Variants in HECTD4 observed in about 807,000 individuals in gnomAD.
HECTD4 encodes the protein probable E3 ubiquitin-protein ligase HECTD4.
Under a neutral mutation model 471.5 loss-of-function variants are expected in HECTD4, and 114 were observed. The ratio of observed to expected loss-of-function variants is 0.24; its 90% CI spans 0.21 to 0.28. The LOEUF (loss-of-function observed/expected upper bound fraction) is 0.28. Ranked by LOEUF, HECTD4 falls within the 10% of genes least tolerant of loss-of-function variation. The pLI, the probability that HECTD4 is intolerant of heterozygous loss-of-function variation, is 1.00. For missense variants in HECTD4, 3,866 were observed against 5,651.5 expected, an observed-to-expected ratio of 0.68 and a Z score of 10.13; for synonymous variants, 2,012 against 2,256.0, an observed-to-expected ratio of 0.89 and a Z score of 3.07.
intron 7 of HECTD4, chr12:112,302,566 CT>C: frequency 1.4e-6 from 1 of 691,564 alleles, no homozygotes; most frequent in Non-Finnish European, 2.6e-6. Flanking sequence ...ATTCTTACGC[CT>C]TTTCTCAAAC....
intron 1 of HECTD4, among the ~76,000 whole-genome samples, chr12:112,348,318 T>C (rs1194901718): frequency 3.3e-5 from 5 of 152,234 alleles, no homozygotes; most frequent in Admixed American, 6.5e-5. Context: ...ATCAATTTTA[T>C]AGTTGAGAGA....
chr12:112,269,299 T>C (rs2135618632), intron 13 of HECTD4, among the ~76,000 whole-genome samples: 1 of 152,298 alleles, frequency 6.6e-6, no homozygotes, highest in South Asian at 2.1e-4. Flanking sequence ...ATCTTACAGC[T>C]AAGGAAATGC....
At chr12:112,301,811 TAAGGAAAATTTGTATTA>T in intron 7 of HECTD4, 1 of 562,594 alleles carries the variant, frequency 1.8e-6, no homozygotes, top group Non-Finnish European at 3.1e-6. Context: ...TTTTTTTTTT[TAAGGAAAATTTGTATTA>T]TTTTCATTAT....
intron 14 of HECTD4, 86 bp downstream of exon 14, chr12:112,266,826 G>A (rs1474744792): frequency 1.4e-6 from 1 of 737,872 alleles, no homozygotes; most frequent in African/African-American, 1.8e-5. Flanking sequence ...ACATGAAGAA[G>A]TGTAAATATT....
chr12:112,379,717 TTATATATA>T (rs56053560), intron 1 of HECTD4, among the ~76,000 whole-genome samples: 1 of 147,418 alleles, frequency 6.8e-6, no homozygotes, highest in Non-Finnish European at 1.5e-5. Flanking sequence ...AAAAGATTTT[TTATATATA>T]TATATATATA....
At position 112,323,971 on chromosome 12, in the gene HECTD4, TTCCTTCCTTCCTTCCTTCCTTC is replaced by T. The variant is rs2035653532; in HGVS notation, c.178-4251_178-4230del. On this transcript the variant is annotated intron_variant, in intron 1 of 75. Coordinates refer to ENST00000682272, the MANE Select transcript of HECTD4 (RefSeq NM_001388303.1). ...GCTTCTTTCTTTCTTTCTTTCTTCC[TTCCTTCCTTCCTTCCTTCCTTC>T]CTTCCTTCCTTCCTTCCTTCCTTCC... 1.8e-4 allele frequency among the ~76,000 whole-genome samples: 5 copies of T among 27,492 alleles called. 1 individual carries two copies. The highest frequency in any genetic ancestry group is 3.2e-4 in the Admixed American group (1 of 3,080). The allele number at this position is 27,492 out of a possible 152,430, so 18.0% of individuals were successfully genotyped here.
In HECTD4 at chr12:112,228,514, A is replaced by G; in HGVS notation, c.6684+133T>C. The G allele has an allele frequency of 1.1e-6, 1 of 902,790 alleles. No individual in the cohort carries two copies. Among genetic ancestry groups the G allele is most frequent in the Non-Finnish European group, 1.6e-6 (1 of 618,438 alleles). 55.9% of individuals were successfully genotyped at this position (902,790 alleles called of 1,614,324 possible). ...TTACTATTAAATAACTATAACCAAT[A>G]CATAAATATACATCACAAGTACAAT... is the stretch of plus-strand genomic sequence containing the variant. On this transcript the variant is annotated intron_variant, in intron 42 of 75. Coordinates refer to ENST00000682272, the MANE Select transcript of HECTD4 (RefSeq NM_001388303.1). This position sits in a 1 kb window ranked among gnomAD's most constrained non-coding sequence, Gnocchi z 4.9.
At chr12:112,215,980 T>C (rs780048826) in intron 48 of HECTD4, among the ~76,000 whole-genome samples, 1 of 152,186 alleles carries the variant, frequency 6.6e-6, no homozygotes, top group African/African-American at 2.4e-5. Flanking sequence ...GGAGTTCTCT[T>C]TTTTTGAAGC....
At chr12:112,268,061 G>A (rs1273514155) in intron 13 of HECTD4, among the ~76,000 whole-genome samples, 3 of 152,146 alleles carry the variant, frequency 2.0e-5, no homozygotes, top group Non-Finnish European at 2.9e-5. Context: ...TGGCCTCGGC[G>A]ATCCACCTGC....
chr12:112,346,560 C>G (rs954062174), intron 1 of HECTD4, among the ~76,000 whole-genome samples: 2 of 152,310 alleles, frequency 1.3e-5, no homozygotes, highest in East Asian at 3.9e-4. Flanking sequence ...AGATACTGCA[C>G]TCCAAGACAA....
chr12:112,251,275 C>T (rs766532784), intron 23 of HECTD4, 141 bp from the exon 24 acceptor site: 16 of 694,518 alleles, frequency 2.3e-5, no homozygotes, highest in Non-Finnish European at 3.7e-5. Context: ...GACACAGGTA[C>T]AGCACCCAAA....
At position 112,163,055 on chromosome 12, in the gene HECTD4, T is replaced by TG. The variant is rs746492036; in HGVS notation, c.13106dup (p.Asp4370ArgfsTer44). The TG allele has an allele frequency of 1.3e-5, 21 of 1,609,210 alleles. No individual in the cohort carries two copies. The highest frequency in any genetic ancestry group is 1.7e-6 in the Non-Finnish European group (2 of 1,177,132). On this transcript the variant is annotated frameshift_variant, in exon 75 of 76. Transcript: ENST00000682272. LOFTEE classifies it high-confidence loss of function. The surrounding 1 kb of genome is among the most constrained non-coding windows in gnomAD (Gnocchi z 8.2). ...GGAGGGCGGTACCTGCTGTGCCATC[T>TG]GGGGGGGCGATCTTCATGGGGTACG...
chr12:112,163,822 G>A lies in HECTD4; in HGVS notation c.12702-85C>T, dbSNP rs969059900. Reference sequence around the variant, plus strand: ...CCACACCCACTCAGCTGGAGGTCCCGGATCCTCTCTTGGGAGAGGCCTGGG... The same window carrying A: ...CCACACCCACTCAGCTGGAGGTCCCAGATCCTCTCTTGGGAGAGGCCTGGG... On this transcript the variant is annotated intron_variant, in intron 73 of 75. Transcript: ENST00000682272. The surrounding 1 kb of genome is among the most constrained non-coding windows in gnomAD (Gnocchi z 8.2). 4.6e-5 allele frequency: 58 copies of A among 1,249,180 alleles called. 1 individual carries two copies. The highest frequency in any genetic ancestry group is 5.7e-5 in the Non-Finnish European group (54 of 943,362). The allele number at this position is 1,249,180 out of a possible 1,614,324, so 77.4% of individuals were successfully genotyped here.
intron 1 of HECTD4, among the ~76,000 whole-genome samples, chr12:112,339,952 G>A (rs2036026934): frequency 2.6e-5 from 4 of 152,040 alleles, no homozygotes; most frequent in Admixed American, 2.6e-4. Context: ...GGGAAGCTGA[G>A]GCAGGAGAAT....
intron 1 of HECTD4, among the ~76,000 whole-genome samples, chr12:112,356,981 G>A (rs557683563): frequency 1.3e-5 from 2 of 152,294 alleles, no homozygotes; most frequent in East Asian, 3.9e-4. Flanking sequence ...TTCGTGGTAT[G>A]TGGACCATAC....
chr12:112,185,958 A>G (rs551834880), intron 60 of HECTD4, among the ~76,000 whole-genome samples: 22 of 152,300 alleles, frequency 1.4e-4, no homozygotes, highest in African/African-American at 3.1e-4. Flanking sequence ...GCCAACAAGA[A>G]AGCCTTACTT....
In HECTD4 at chr12:112,207,997, C is replaced by T; in HGVS notation, c.8008G>A (p.Asp2670Asn). ...DDDDDDIPQE[D>N]HYALLVKAWE... ...GCTTTCACCAGCAGGGCGTAGTGGTCCTCCTGGAAGCAGAAGGAACCTCAT... is the reference window on the plus strand; with the variant it reads ...GCTTTCACCAGCAGGGCGTAGTGGTTCTCCTGGAAGCAGAAGGAACCTCAT... The change falls in exon 52 of 76, where the codon GAC becomes AAC. Residue 2670 changes from aspartate (D) to asparagine (N), a missense_variant. By Grantham distance (23) the Asp-to-Asn change is conservative. This residue lies in a region of HECTD4 where 266 missense variants were observed against 441.6 expected (regional missense o/e 0.60). Transcript: ENST00000682272. 1 of 1,612,656 alleles carries T rather than the reference C, an allele frequency of 6.2e-7. No homozygotes were observed. Among genetic ancestry groups the T allele is most frequent in the South Asian group, 1.1e-5 (1 of 90,764 alleles).
intron 37 of HECTD4, among the ~76,000 whole-genome samples, chr12:112,234,631 C>A (rs114843387): frequency 4.5e-4 from 68 of 152,284 alleles, no homozygotes; most frequent in African/African-American, 1.5e-3. Flanking sequence ...CATACTTCAA[C>A]TAATTAAAGA....
chr12:112,249,313 C>T lies in HECTD4; in HGVS notation c.3951-801G>A, dbSNP rs1411142189. Among the ~76,000 whole-genome samples the T allele has an allele frequency of 3.3e-5, 5 of 150,178 alleles. No individual in the cohort carries two copies. The East Asian group carries it at 9.8e-4, about 30-fold the overall frequency. ...AGGTTGTAGTGAGCCAAGATCACAT[C>T]ACTGCACTCCAGCCTGTGTGACAGA... On this transcript the variant is annotated intron_variant, in intron 25 of 75. Transcript: ENST00000682272.
Sources: allele counts gnomAD v4.1 joint callset (sites outside exome capture counted in the v4.1 genomes callset), GRCh38; gene constraint gnomAD v4.1.1; regional missense constraint gnomAD v4.1.1; non-coding constraint Gnocchi (gnomAD v3.1); transcripts MANE v1.5; gene names NCBI Gene and HGNC (gene_info 2026-07-23, HGNC 2026-07-21).